ZNF711: variants seen among roughly 807,000 people sequenced by gnomAD.
The protein encoded by ZNF711 is ZFX family zinc finger ZNF711.
In ZNF711, 3 loss-of-function variants were observed where a neutral mutation model predicts 43.5. The ratio of observed to expected loss-of-function variants is 0.07; its 90% CI spans 0.03 to 0.18. ZNF711 has a LOEUF of 0.18. ZNF711 is among the 10% of genes least tolerant of loss of function. The pLI is 1.00. For synonymous variants in ZNF711, 209 were observed against 207.7 expected (o/e 1.01, Z -0.06); for missense variants, 412 against 604.0 (o/e 0.68, Z 3.33).
At chrX:85,258,358 CT>C in intron 5 of ZNF711, among the ~76,000 whole-genome samples, 1 of 110,596 alleles carries the variant, frequency 9.0e-6, no homozygotes. Flanking sequence ...ATACATTAGA[CT>C]TTGGGGACTC....
intron 7 of ZNF711, among the ~76,000 whole-genome samples, chrX:85,266,095 C>G (rs982004209): frequency 9.0e-6 from 1 of 111,207 alleles, no homozygotes; most frequent in East Asian, 2.9e-4. Flanking sequence ...TCTTACTATG[C>G]TGAGAAAAAC....
At chrX:85,265,672 G>A (rs766946510) in intron 7 of ZNF711, among the ~76,000 whole-genome samples, 13 of 110,519 alleles carry the variant, frequency 1.2e-4, no homozygotes, top group Non-Finnish European at 2.5e-4. Context: ...AAAAGATTCA[G>A]GGAAAATAAT....
At chrX:85,254,930 A>G (rs767841610) in intron 4 of ZNF711, among the ~76,000 whole-genome samples, 3 of 111,895 alleles carry the variant, frequency 2.7e-5, no homozygotes, top group East Asian at 2.8e-4. Flanking sequence ...TCACCAGCCT[A>G]TGGTGCTATC....
At chrX:85,252,514 T>C (rs1324899661) in intron 4 of ZNF711, among the ~76,000 whole-genome samples, 13 of 111,969 alleles carry the variant, frequency 1.2e-4, no homozygotes, top group Admixed American at 2.8e-4. Context: ...GAAAAGATTT[T>C]TGTGAATTAG....
intron 1 of ZNF711, chrX:85,244,631 A>G (rs1240532724): frequency 9.1e-6 from 1 of 110,261 alleles, no homozygotes; most frequent in Non-Finnish European, 1.9e-5. Flanking sequence ...CCGAGCTAAT[A>G]GTAACCTTTG....
intron 5 of ZNF711, among the ~76,000 whole-genome samples, chrX:85,262,228 A>G (rs1930714827): frequency 9.0e-6 from 1 of 110,973 alleles, no homozygotes; most frequent in African/African-American, 3.3e-5. Context: ...TGCTAAAATT[A>G]TGGTACAAAA....
Position 85,272,038 on chromosome X carries a change from G to A in ZNF711, c.*210G>A, listed in dbSNP as rs752843499. 42 of 413,408 alleles carry A rather than the reference G, an allele frequency of 1.0e-4. No homozygotes were observed. Among genetic ancestry groups the A allele is most frequent in the Non-Finnish European group, 1.7e-4 (41 of 239,366 alleles). The allele number at this position is 413,408 out of a possible 1,213,427, so 34.1% of individuals were successfully genotyped here. On this transcript the variant is annotated 3_prime_UTR_variant, in exon 11 of 11. Transcript: ENST00000674551. ...AAGAATTTAAGAAGCACTATAGAAT[G>A]GTTACAGAAAAACTTCTTAAGTATC...
Position 85,271,550 on chromosome X carries a change from C to T in ZNF711, c.2146C>T (p.His716Tyr). The change falls in exon 11 of 11, where the codon CAT becomes TAT. Residue 716 changes from histidine to tyrosine, a missense_variant. Physicochemically the swap from His to Tyr is moderately conservative, Grantham distance 83 (BLOSUM62 2). Coordinates refer to ENST00000674551, the MANE Select transcript of ZNF711 (RefSeq NM_001330574.2). ...FILSGHILSVHTKDQPLKCKR... is the reference protein window; with the variant it reads ...FILSGHILSVYTKDQPLKCKR... ...TCTTAGTGGCCATATCCTTTCAGTT[C>T]ATACTAAAGATCAGCCATTGAAATG... The T allele has an allele frequency of 8.3e-7, 1 of 1,211,096 alleles. No individual in the cohort carries two copies. Among genetic ancestry groups the T allele is most frequent in the Non-Finnish European group, 1.1e-6 (1 of 895,200 alleles).
At chrX:85,252,472 G>C (rs900632569) in intron 4 of ZNF711, among the ~76,000 whole-genome samples, 2 of 111,029 alleles carry the variant, frequency 1.8e-5, no homozygotes, top group African/African-American at 6.6e-5. Flanking sequence ...TAAAATAAAT[G>C]GAATTTCCCA....
At chrX:85,249,589 T>C (rs1035501726) in intron 4 of ZNF711, among the ~76,000 whole-genome samples, 9 of 111,849 alleles carry the variant, frequency 8.0e-5, no homozygotes, top group African/African-American at 2.9e-4. Flanking sequence ...GTCTTTAGAA[T>C]TAATTACTCC....
chrX:85,268,427 C>A, intron 9 of ZNF711, 86 bp downstream of exon 9: 3 of 1,049,617 alleles, frequency 2.9e-6, no homozygotes, highest in Non-Finnish European at 3.9e-6. Flanking sequence ...TTTGTGTCTA[C>A]AGACACATTT....
chrX:85,267,293 C>A lies in ZNF711; in HGVS notation c.932C>A (p.Ala311Glu). 1.8e-6 allele frequency: 2 copies of A among 1,125,613 alleles called. No individual in the cohort carries two copies. The highest frequency in any genetic ancestry group is 2.9e-5 in the Admixed American group (1 of 35,013). The allele number at this position is 1,125,613 out of a possible 1,213,427, so 92.8% of individuals were successfully genotyped here. A position where few individuals can be genotyped will look rare whatever the true frequency, so the allele number is the denominator to read the frequency against. The change falls in exon 8 of 11, where the codon GCA becomes GAA. Residue 311 changes from alanine (A) to glutamate (E), a missense_variant. This residue lies in a region of ZNF711 where 375 missense variants were observed against 514.2 expected (regional missense o/e 0.73). Transcript: ENST00000674551. ...TAAAATTTAGGTTGCGCTGAAATAGCAGATGAAGTTTACATGGAAGTCATT... is the reference window on the plus strand; with the variant it reads ...TAAAATTTAGGTTGCGCTGAAATAGAAGATGAAGTTTACATGGAAGTCATT... ...EEDDISCAEI[A>E]DEVYMEVIVG...
chrX:85,269,536 A>G (rs1255002553), intron 9 of ZNF711, among the ~76,000 whole-genome samples: 1 of 108,758 alleles, frequency 9.2e-6, no homozygotes, highest in Admixed American at 9.8e-5. Context: ...GCATGCCACC[A>G]TGCCTGACCA....
intron 4 of ZNF711, among the ~76,000 whole-genome samples, chrX:85,250,391 A>G (rs773009445): frequency 4.9e-4 from 55 of 111,974 alleles, no homozygotes; most frequent in Non-Finnish European, 9.0e-4. Context: ...AGAAATAATA[A>G]AATTGAAAGG....
rs1162128187 is a variant in ZNF711, at chrX:85,244,054, T to C, written c.-543T>C. 2.2e-5 allele frequency: 3 copies of C among 134,806 alleles called. No homozygotes were observed. Among genetic ancestry groups the C allele is most frequent in the South Asian group, 2.6e-4 (1 of 3,801 alleles). 11.1% of individuals were successfully genotyped at this position (134,806 alleles called of 1,213,427 possible). A position where few individuals can be genotyped will look rare whatever the true frequency, so the allele number is the denominator to read the frequency against. On this transcript the variant is annotated 5_prime_UTR_variant, in exon 1 of 11. Transcript: ENST00000674551. Reference sequence around the variant, plus strand: ...CCTCGGAAACCCGAATGTGAGGACCTTAAGGGATCCACAGCTGCCGCCCCC... The same window carrying C: ...CCTCGGAAACCCGAATGTGAGGACCCTAAGGGATCCACAGCTGCCGCCCCC...
intron 4 of ZNF711, among the ~76,000 whole-genome samples, chrX:85,248,383 T>A (rs1432879054): frequency 9.6e-6 from 1 of 103,833 alleles, no homozygotes; most frequent in Non-Finnish European, 1.9e-5. Flanking sequence ...GCAGGAGAAT[T>A]GCTTGAGCCC....
intron 4 of ZNF711, among the ~76,000 whole-genome samples, chrX:85,253,040 T>C (rs1237289453): frequency 1.8e-5 from 2 of 112,118 alleles, no homozygotes; most frequent in Middle Eastern, 8.4e-3. Context: ...TTGTAGATAA[T>C]TTATTATAAC....
chrX:85,256,554 A>G lies in ZNF711; in HGVS notation c.622+753A>G, dbSNP rs191631199. Among the ~76,000 whole-genome samples the G allele has an allele frequency of 3.0e-3, 337 of 110,755 alleles. 1 individual carries two copies. Among genetic ancestry groups the G allele is most frequent in the African/African-American group, 0.01 (318 of 30,608 alleles). ...TGCTACAAGTAGTTAAGATTAGACA[A>G]TTTTTTTTGACTTATCCAGGGAAGA... On this transcript the variant is annotated intron_variant, in intron 5 of 10. Coordinates refer to ENST00000674551, the MANE Select transcript of ZNF711 (RefSeq NM_001330574.2).
At position 85,272,579 on chromosome X, in the gene ZNF711, G is replaced by A. The variant is rs1931643160; in HGVS notation, c.*751G>A. 8.9e-6 allele frequency: 1 copy of A among 111,738 alleles called. No individual in the cohort carries two copies. Among genetic ancestry groups the A allele is most frequent in the Admixed American group, 9.5e-5 (1 of 10,482 alleles). The allele number at this position is 111,738 out of a possible 1,213,427, so 9.2% of individuals were successfully genotyped here. On this transcript the variant is annotated 3_prime_UTR_variant, in exon 11 of 11. Coordinates refer to ENST00000674551, the MANE Select transcript of ZNF711 (RefSeq NM_001330574.2). ...GAGTCAAATGTGGCTTTCTAAAATG[G>A]ATGCAACATTAGCGTTGCAAACAAA... is the stretch of plus-strand genomic sequence containing the variant.
Sources: gnomAD v4.1 joint callset for allele counts (sites outside exome capture counted in the v4.1 genomes callset) on GRCh38, gnomAD v4.1.1 for gene constraint, gnomAD v4.1.1 regional missense constraint, MANE v1.5 for transcripts, NCBI Gene and HGNC (gene_info 2026-07-23, HGNC 2026-07-21) for gene names.